FBXO38: variants seen among roughly 807,000 people sequenced by gnomAD.
FBXO38 encodes the protein F-box protein 38, also known as F-box only protein 38.
A neutral mutation model predicts 131.9 loss-of-function variants in FBXO38; 53 were observed. The observed-to-expected ratio is 0.40, with a 90% confidence interval of 0.32 to 0.51. The LOEUF is 0.51. FBXO38 is among the 20% of genes least tolerant of loss of function. FBXO38 has a pLI of 0.53. For synonymous variants in FBXO38, 452 were observed against 505.6 expected (o/e 0.89, Z 1.42); for missense variants, 1,076 against 1,475.6 (o/e 0.73, Z 4.44).
rs76852156 is a variant in FBXO38, at chr5:148,399,355, G to A, written c.262+223G>A. ...TGCTCTTTTCATTTCCTGTCCTTAA[G>A]TAACTATATCAGCCTGTTCCACACA... On this transcript the variant is annotated intron_variant, in intron 3 of 21. Transcript: ENST00000340253. The A allele has an allele frequency of 0.011, 6,008 of 531,218 alleles. 278 individuals carry two copies. Among genetic ancestry groups the A allele is most frequent in the African/African-American group, 0.1 (5,328 of 52,258 alleles). 32.9% of individuals were successfully genotyped at this position (531,218 alleles called of 1,614,324 possible).
rs1318477469 is a variant in FBXO38, at chr5:148,415,990, G to C, written c.1327G>C (p.Asp443His). The change falls in exon 11 of 22, where the codon GAC becomes CAC. Residue 443 changes from aspartate (D) to histidine (H), a missense_variant. Around this residue, in one of 8 missense-constraint regions of FBXO38, gnomAD observed 146 missense variants for 274.3 expected, o/e 0.53. Coordinates refer to ENST00000340253, the MANE Select transcript of FBXO38 (RefSeq NM_205836.3). ...AGTACGGTGCCATGCTTTGAAGCTG[G>C]ACTCTTTTGGCCAGTTTATTGAATT... ...NLVRCHALKL[D>H]SFGQFIELLP... 20 of 1,613,282 alleles carry C rather than the reference G, an allele frequency of 1.2e-5. No individual in the cohort carries two copies. The highest frequency in any genetic ancestry group is 1.7e-5 in the Admixed American group (1 of 59,920).
rs1754760761 is a variant in FBXO38, at chr5:148,442,679, G to GT, written c.*535dup. On this transcript the variant is annotated 3_prime_UTR_variant, in exon 22 of 22. Coordinates refer to ENST00000340253, the MANE Select transcript of FBXO38 (RefSeq NM_205836.3). ...TCTTTCTTAGTATTATAGTTGCCAT[G>GT]TTTCTTAAAATCAAGTAAAAAGACT... The GT allele has an allele frequency of 6.6e-6, 1 of 152,002 alleles. No individual in the cohort carries two copies. The highest frequency in any genetic ancestry group is 6.6e-5 in the Admixed American group (1 of 15,262). The allele number at this position is 152,002 out of a possible 1,614,324, so 9.4% of individuals were successfully genotyped here.
chr5:148,425,787 G>A (rs1753682540), intron 14 of FBXO38, 86 bp downstream of exon 14: 3 of 1,147,144 alleles, frequency 2.6e-6, no homozygotes, highest in Admixed American at 2.3e-5. Context: ...CTTGGGTGCA[G>A]TTAACATATA....
intron 12 of FBXO38, 100 bp from the exon 13 acceptor site, chr5:148,423,891 TAGTAATC>T (rs1753573918): frequency 1.1e-6 from 1 of 933,928 alleles, no homozygotes; most frequent in African/African-American, 1.7e-5. Context: ...AGGGCAGGCC[TAGTAATC>T]AGCGGGACTG....
intron 1 of FBXO38, among the ~76,000 whole-genome samples, chr5:148,393,083 T>G (rs1442556273): frequency 1.3e-5 from 2 of 151,938 alleles, no homozygotes; most frequent in African/African-American, 4.8e-5. Flanking sequence ...TCTGAGAAGT[T>G]AAGACACATG....
chr5:148,442,133 G>C lies in FBXO38; in HGVS notation c.3553G>C (p.Asp1185His). The change falls in exon 22 of 22, where the codon GAT becomes CAT. Residue 1185 changes from aspartate (D) to histidine (H), a missense_variant. Coordinates refer to ENST00000340253, the MANE Select transcript of FBXO38 (RefSeq NM_205836.3). ...YCDVNGEPVE[D>H]DYI ...TGATGTCAATGGAGAGCCAGTTGAA[G>C]ATGACTACATTTAATTGGTCCCTCC... 6.2e-7 allele frequency: 1 copy of C among 1,613,920 alleles called. No homozygotes were observed. The highest frequency in any genetic ancestry group is 8.5e-7 in the Non-Finnish European group (1 of 1,179,868).
intron 7 of FBXO38, among the ~76,000 whole-genome samples, chr5:148,407,854 G>A (rs1000029730): frequency 6.6e-6 from 1 of 151,996 alleles, no homozygotes; most frequent in African/African-American, 2.4e-5. Context: ...GAACCTGGGA[G>A]GCAGAGCATG....
intron 12 of FBXO38, among the ~76,000 whole-genome samples, chr5:148,422,562 A>G (rs751005905): frequency 6.6e-6 from 1 of 152,202 alleles, no homozygotes; most frequent in East Asian, 1.9e-4. Flanking sequence ...AGAGTAAGCC[A>G]TGAGACTAGG....
chr5:148,403,328 A>C (rs1752266093), intron 5 of FBXO38, among the ~76,000 whole-genome samples: 2 of 152,122 alleles, frequency 1.3e-5, no homozygotes, highest in South Asian at 4.1e-4. Flanking sequence ...GGTGATGCAG[A>C]GGTGTGGTAA....
intron 20 of FBXO38, 84 bp downstream of exon 20, chr5:148,440,611 G>A: frequency 3.8e-6 from 3 of 789,580 alleles, no homozygotes; most frequent in South Asian, 1.9e-5. Flanking sequence ...AGGCTGAGGT[G>A]GGAGGATCAC....
chr5:148,393,456 T>C (rs1196651897), intron 1 of FBXO38, among the ~76,000 whole-genome samples: 2 of 152,106 alleles, frequency 1.3e-5, no homozygotes, highest in Admixed American at 1.3e-4. Context: ...AGTGAGTTCT[T>C]TCCTACTTTT....
chr5:148,407,791 G>A (rs1752522495), intron 7 of FBXO38, among the ~76,000 whole-genome samples: 1 of 152,076 alleles, frequency 6.6e-6, no homozygotes, highest in Non-Finnish European at 1.5e-5. Context: ...CCGTCGTGGT[G>A]GCGGGCACCT....
chr5:148,387,239 A>T (rs1230661486), intron 1 of FBXO38, among the ~76,000 whole-genome samples: 1 of 152,204 alleles, frequency 6.6e-6, no homozygotes, highest in Non-Finnish European at 1.5e-5. Context: ...TTGTCATTTC[A>T]ATAATGTTCA....
intron 1 of FBXO38, among the ~76,000 whole-genome samples, chr5:148,393,028 G>A (rs964194374): frequency 6.6e-6 from 1 of 151,836 alleles, no homozygotes; most frequent in African/African-American, 2.4e-5. Context: ...TTATTTTTCC[G>A]GAGGCCTCTT....
At chr5:148,416,629 CTT>C (rs981313653) in intron 11 of FBXO38, 22 of 207,394 alleles carry the variant, frequency 1.1e-4, no homozygotes, top group South Asian at 9.8e-5. Flanking sequence ...TATGTTCTCT[CTT>C]GTCAGTTATT....
intron 20 of FBXO38, 65 bp downstream of exon 20, chr5:148,440,592 C>G: frequency 1.0e-6 from 1 of 969,528 alleles, no homozygotes; most frequent in Non-Finnish European, 1.6e-6. Flanking sequence ...GTAATCCCAG[C>G]GACTCAGGAG....
At position 148,416,854 on chromosome 5, in the gene FBXO38, A is replaced by G. The variant is rs371989229; in HGVS notation, c.1408-140A>G. 283 of 620,056 alleles carry G rather than the reference A, an allele frequency of 4.6e-4. 2 individuals are homozygous for G. The highest frequency in any genetic ancestry group is 3.2e-3 in the South Asian group (154 of 48,764). 38.4% of individuals were successfully genotyped at this position (620,056 alleles called of 1,614,324 possible). ...TTGCAGGCCTTAAATGGGATTTTCT[A>G]TGTGTATGTGAAAGCATTTCATAAA... On this transcript the variant is annotated intron_variant, in intron 11 of 21. Coordinates refer to ENST00000340253, the MANE Select transcript of FBXO38 (RefSeq NM_205836.3).
chr5:148,411,473 C>T (rs866829485), intron 9 of FBXO38, among the ~76,000 whole-genome samples: 18 of 152,032 alleles, frequency 1.2e-4, no homozygotes, highest in South Asian at 6.2e-4. Flanking sequence ...CTTTCTTGAA[C>T]TCTCATCCTC....
chr5:148,431,371 T>G (rs1299624559), intron 15 of FBXO38, among the ~76,000 whole-genome samples: 1 of 152,196 alleles, frequency 6.6e-6, no homozygotes, highest in Non-Finnish European at 1.5e-5. Context: ...ATGTATGAAG[T>G]GTGACTTCAT....
Sources: gnomAD v4.1 joint callset for allele counts (sites outside exome capture counted in the v4.1 genomes callset) on GRCh38, gnomAD v4.1.1 for gene constraint, gnomAD v4.1.1 regional missense constraint, MANE v1.5 for transcripts, NCBI Gene and HGNC (gene_info 2026-07-23, HGNC 2026-07-21) for gene names.